LPP: variants seen among roughly 807,000 people sequenced by gnomAD.
LPP encodes LIM domain containing preferred translocation partner in lipoma.
LPP carries 38 observed loss-of-function variants against 60.4 expected under a neutral mutation model. That is an observed-to-expected ratio of 0.63 (90% CI 0.49 to 0.83). The LOEUF is 0.83. Among genes scored for constraint, LPP ranks in the 40% least tolerant of loss-of-function variants. The pLI, the probability that LPP is intolerant of heterozygous loss-of-function variation, is 0.00. For synonymous variants in LPP, 328 were observed against 290.8 expected, an observed-to-expected ratio of 1.13 and a Z score of -1.30; for missense variants, 902 against 783.6, an observed-to-expected ratio of 1.15 and a Z score of -1.80.
chr3:188,472,638 A>C (rs1044588442), intron 4 of LPP: 1 of 152,194 alleles, frequency 6.6e-6, no homozygotes, highest in African/African-American at 2.4e-5. Context: ...CCCTGGCCTC[A>C]TGTAGCCATC....
chr3:188,732,565 A>G (rs1383138863), intron 8 of LPP, among the ~76,000 whole-genome samples: 1 of 152,052 alleles, frequency 6.6e-6, no homozygotes, highest in African/African-American at 2.4e-5. Flanking sequence ...TAAAAATACA[A>G]CAATTAGCTG....
intron 9 of LPP, among the ~76,000 whole-genome samples, chr3:188,858,140 G>T (rs1339852916): frequency 6.6e-6 from 1 of 152,132 alleles, no homozygotes; most frequent in Non-Finnish European, 1.5e-5. Context: ...TAATATGGCA[G>T]ACCTTCTTTG....
intron 2 of LPP, among the ~76,000 whole-genome samples, chr3:188,294,523 A>G (rs1308120119): frequency 6.6e-6 from 1 of 152,226 alleles, no homozygotes; most frequent in African/African-American, 2.4e-5. Context: ...TGGTAACACA[A>G]CTAGAGCCAC....
At chr3:188,304,312 A>T (rs1336921417) in intron 2 of LPP, among the ~76,000 whole-genome samples, 1 of 152,180 alleles carries the variant, frequency 6.6e-6, no homozygotes, top group Non-Finnish European at 1.5e-5. Flanking sequence ...AGGGCTGTAT[A>T]GTTTAAGCCT....
At chr3:188,264,431 G>T (rs1257343244) in intron 2 of LPP, among the ~76,000 whole-genome samples, 1 of 151,908 alleles carries the variant, frequency 6.6e-6, no homozygotes, top group Admixed American at 6.6e-5. Flanking sequence ...AAGGAAACGG[G>T]ATGAGAATAT....
chr3:188,704,727 G>A (rs971009873), intron 7 of LPP, among the ~76,000 whole-genome samples: 32 of 151,994 alleles, frequency 2.1e-4, no homozygotes, highest in African/African-American at 7.5e-4. Flanking sequence ...GAAATTGTAA[G>A]TAAATTTTGT....
At chr3:188,863,271 C>T (rs1193125084) in intron 9 of LPP, among the ~76,000 whole-genome samples, 1 of 152,132 alleles carries the variant, frequency 6.6e-6, no homozygotes, top group Middle Eastern at 3.2e-3. Context: ...AAATTATTTA[C>T]CCAATGTCAT....
intron 7 of LPP, among the ~76,000 whole-genome samples, chr3:188,623,830 T>G (rs541340420): frequency 6.6e-6 from 1 of 152,326 alleles, no homozygotes; most frequent in East Asian, 1.9e-4. Context: ...CATGAGGCCA[T>G]TGGGCGGGTG....
Position 188,672,021 on chromosome 3 carries a change from A to T in LPP, c.1114-36246A>T, listed in dbSNP as rs150399628. ...AAAGACATATAGCAATCATTGTTTA[A>T]ATAGAAGCGCTTGAAAATTTTCCAT... On this transcript the variant is annotated intron_variant, in intron 7 of 11. Coordinates refer to ENST00000617246, the MANE Select transcript of LPP (RefSeq NM_001375462.1). Among the ~76,000 whole-genome samples the T allele has an allele frequency of 5.3e-5, 8 of 152,306 alleles. No homozygotes were observed. In the East Asian group the frequency reaches 1.5e-3, roughly 29 times the overall value.
At chr3:188,446,141 A>G (rs1795180104) in intron 4 of LPP, among the ~76,000 whole-genome samples, 1 of 152,162 alleles carries the variant, frequency 6.6e-6, no homozygotes, top group African/African-American at 2.4e-5. Context: ...TGCTTGGTTG[A>G]TTACGGCTTG....
chr3:188,843,077 A>T (rs1000134893), intron 9 of LPP, among the ~76,000 whole-genome samples: 1 of 152,122 alleles, frequency 6.6e-6, no homozygotes, highest in Non-Finnish European at 1.5e-5. Flanking sequence ...GTTGTTTAGT[A>T]TGCCACGATT....
chr3:188,464,979 GAAAA>G (rs35304055), intron 4 of LPP, among the ~76,000 whole-genome samples: 6 of 102,994 alleles, frequency 5.8e-5, no homozygotes, highest in South Asian at 3.3e-4. Context: ...GCTTACTATG[GAAAA>G]AAAAAAAAAA....
intron 6 of LPP, chr3:188,562,214 G>A (rs1830890393): frequency 6.6e-6 from 1 of 151,952 alleles, no homozygotes; most frequent in South Asian, 2.1e-4. Context: ...TTGAGAAGGA[G>A]TTCCATAAAA....
At position 188,549,829 on chromosome 3, in the gene LPP, C is replaced by T. The variant is rs116744893; in HGVS notation, c.429+25042C>T. Among the ~76,000 whole-genome samples the T allele has an allele frequency of 4.9e-3, 751 of 152,294 alleles. 4 individuals carry two copies. Among genetic ancestry groups the T allele is most frequent in the African/African-American group, 0.017 (721 of 41,560 alleles). ...ATACCCTTTTTCACAATGGATAAAA[C>T]AACAATAAATGTTTGCAGCCTCGCA... On this transcript the variant is annotated intron_variant, in intron 6 of 11. Transcript: ENST00000617246.
intron 3 of LPP, among the ~76,000 whole-genome samples, chr3:188,374,088 C>G (rs1774165659): frequency 3.9e-5 from 6 of 152,150 alleles, no homozygotes; most frequent in Admixed American, 3.9e-4. Flanking sequence ...GGTACCCGTA[C>G]CATGCTGCTT....
chr3:188,372,380 A>C (rs1340354623), intron 3 of LPP, among the ~76,000 whole-genome samples: 1 of 152,202 alleles, frequency 6.6e-6, no homozygotes, highest in African/African-American at 2.4e-5. Context: ...CCAATTAGTA[A>C]GAAAAACACT....
chr3:188,206,822 G>A (rs1733364333), intron 1 of LPP, among the ~76,000 whole-genome samples: 1 of 152,112 alleles, frequency 6.6e-6, no homozygotes. Flanking sequence ...TTAAGCTTTT[G>A]TTTTCTCATT....
intron 3 of LPP, among the ~76,000 whole-genome samples, chr3:188,363,039 T>TA (rs1055939334): frequency 6.0e-5 from 9 of 149,964 alleles, no homozygotes; most frequent in African/African-American, 2.2e-4. Flanking sequence ...TTTATTTATT[T>TA]TTTTTTTTTA....
chr3:188,540,894 C>T (rs926347522), intron 6 of LPP, among the ~76,000 whole-genome samples: 3 of 152,162 alleles, frequency 2.0e-5, no homozygotes, highest in African/African-American at 7.2e-5. Flanking sequence ...TATCTGAGGA[C>T]ATCTCTCTGT....
Sources: gnomAD v4.1 joint callset for allele counts (sites outside exome capture counted in the v4.1 genomes callset) on GRCh38, gnomAD v4.1.1 for gene constraint, MANE v1.5 for transcripts, NCBI Gene and HGNC (gene_info 2026-07-23, HGNC 2026-07-21) for gene names.